Variants in MYO10 observed in about 807,000 individuals in gnomAD.
MYO10 encodes unconventional myosin-X.
In MYO10, 133 loss-of-function variants were observed where a neutral mutation model predicts 257.3. The ratio of observed to expected loss-of-function variants is 0.52; its 90% CI spans 0.45 to 0.60. MYO10 has a LOEUF of 0.60. Among genes scored for constraint, MYO10 ranks in the 20% least tolerant of loss-of-function variants. MYO10 has a pLI of 0.00. For missense variants in MYO10, 2,399 were observed against 2,635.7 expected (o/e 0.91, Z 1.97); for synonymous variants, 1,104 against 1,028.6 (o/e 1.07, Z -1.40).
chr5:16,827,960 G>T (rs1307029889), intron 2 of MYO10, among the ~76,000 whole-genome samples: 2 of 152,114 alleles, frequency 1.3e-5, no homozygotes, highest in Middle Eastern at 6.3e-3. Context: ...CAATTTCTTG[G>T]TATCATGGGG....
chr5:16,708,904 T>C (rs1328684330), intron 21 of MYO10, among the ~76,000 whole-genome samples: 1 of 152,196 alleles, frequency 6.6e-6, no homozygotes, highest in East Asian at 1.9e-4. Flanking sequence ...GCAGATTGTA[T>C]TGCACTGCCA....
intron 2 of MYO10, among the ~76,000 whole-genome samples, chr5:16,847,653 T>A (rs944171333): frequency 6.6e-6 from 1 of 151,978 alleles, no homozygotes; most frequent in African/African-American, 2.4e-5. Flanking sequence ...TCGCTTGAGC[T>A]TAGGAGGTTG....
At chr5:16,787,263 A>AC (rs1741613750) in intron 4 of MYO10, among the ~76,000 whole-genome samples, 2 of 152,272 alleles carry the variant, frequency 1.3e-5, no homozygotes, top group Non-Finnish European at 2.9e-5. Flanking sequence ...ATAGGACTCT[A>AC]CCAGGAGGTA....
chr5:16,679,524 G>GTTTTTTTTTTTTTTTTTTGT (rs1736887700), intron 33 of MYO10, among the ~76,000 whole-genome samples: 12 of 122,652 alleles, frequency 9.8e-5, no homozygotes, highest in African/African-American at 3.9e-4. Flanking sequence ...TTTTTTGGGT[G>GTTTTTTTTTTTTTTTTTTGT]TTTTTTTTTT....
At chr5:16,683,552 C>T (rs1326607533) in intron 30 of MYO10, among the ~76,000 whole-genome samples, 2 of 152,202 alleles carry the variant, frequency 1.3e-5, no homozygotes, top group Non-Finnish European at 2.9e-5. Context: ...GCTGGAATAT[C>T]ATTTTCCTAA....
chr5:16,702,474 A>G, intron 24 of MYO10, 69 bp downstream of exon 24: 1 of 1,356,898 alleles, frequency 7.4e-7, no homozygotes, highest in Admixed American at 2.3e-5. Context: ...TTTGAATCCT[A>G]GAGTCCAAGC....
chr5:16,838,310 A>C (rs1040308885), intron 2 of MYO10, among the ~76,000 whole-genome samples: 2 of 152,270 alleles, frequency 1.3e-5, no homozygotes, highest in Non-Finnish European at 2.9e-5. Context: ...GTGCCACTAC[A>C]GTGAACAAAT....
In MYO10 at chr5:16,775,220, TTAGCA is replaced by T. The variant is rs1741179940; in HGVS notation, c.930+4320_930+4324del. On this transcript the variant is annotated intron_variant, in intron 9 of 40. Transcript: ENST00000513610. Reference sequence around the variant, plus strand: ...GCTGTATAAGAAATGCCTATGAAATTTAGCATAGGTTCATTGCCTCTGCCCCAGGA... The same window carrying T: ...GCTGTATAAGAAATGCCTATGAAATTTAGGTTCATTGCCTCTGCCCCAGGA... Among the ~76,000 whole-genome samples the T allele has an allele frequency of 2.0e-5, 3 of 152,322 alleles. No homozygotes were observed. In the South Asian group the frequency reaches 6.2e-4, roughly 32 times the overall value.
chr5:16,933,907 T>C (rs1746363225), intron 1 of MYO10, among the ~76,000 whole-genome samples: 10 of 152,164 alleles, frequency 6.6e-5, no homozygotes, highest in Admixed American at 6.5e-4. Flanking sequence ...AGCGAAAAGT[T>C]CCCAGAAATA....
intron 2 of MYO10, among the ~76,000 whole-genome samples, chr5:16,866,827 C>T (rs1309542614): frequency 6.6e-6 from 1 of 152,148 alleles, no homozygotes; most frequent in East Asian, 1.9e-4. Flanking sequence ...TAAATGTGGC[C>T]CCCAACTGCC....
intron 1 of MYO10, among the ~76,000 whole-genome samples, chr5:16,883,955 GC>G (rs1428404296): frequency 6.6e-6 from 1 of 152,180 alleles, no homozygotes; most frequent in Admixed American, 6.5e-5. Flanking sequence ...CTTAGTCTCA[GC>G]CCCGGAACAG....
At position 16,702,572 on chromosome 5, in the gene MYO10, G is replaced by GCT. The variant is rs757225427; in HGVS notation, c.2525_2526dup (p.Arg843SerfsTer33). On this transcript the variant is annotated frameshift_variant, in exon 24 of 41. Transcript: ENST00000513610. LOFTEE classifies it high-confidence loss of function. ...TGGGCGCGGAGCTCGGCTTCTCTTC[G>GCT]CTCTCTCTCTCTTTCTCTAAAAATA... 10 of 1,586,702 alleles carry GCT rather than the reference G, an allele frequency of 6.3e-6. No homozygotes were observed. Among genetic ancestry groups the GCT allele is most frequent in the Admixed American group, 1.8e-5 (1 of 55,912 alleles).
At chr5:16,821,384 A>G (rs1263380134) in intron 2 of MYO10, among the ~76,000 whole-genome samples, 1 of 148,898 alleles carries the variant, frequency 6.7e-6, no homozygotes, top group Admixed American at 6.7e-5. Context: ...AAATAGGGCT[A>G]TAACCTGTAA....
At chr5:16,738,153 G>A (rs1446806009) in intron 19 of MYO10, 2 of 985,366 alleles carry the variant, frequency 2.0e-6, no homozygotes, top group African/African-American at 1.7e-5. Context: ...GGAGCTGAAG[G>A]AGAGAAGCCA....
At chr5:16,688,057 AG>A (rs1396486739) in intron 28 of MYO10, among the ~76,000 whole-genome samples, 1 of 152,252 alleles carries the variant, frequency 6.6e-6, no homozygotes, top group African/African-American at 2.4e-5. Context: ...TAAATTTAGC[AG>A]GTTCATCGTG....
intron 2 of MYO10, among the ~76,000 whole-genome samples, chr5:16,863,423 C>A (rs1019172816): frequency 6.6e-6 from 1 of 152,276 alleles, no homozygotes; most frequent in East Asian, 1.9e-4. Flanking sequence ...CTCCTGGTCT[C>A]ACCCATGGAT....
chr5:16,778,385 T>G (rs1323172337), intron 9 of MYO10, among the ~76,000 whole-genome samples: 1 of 152,192 alleles, frequency 6.6e-6, no homozygotes, highest in African/African-American at 2.4e-5. Context: ...GAGGGCTGGA[T>G]GATACCTTAA....
rs372258804 is a variant in MYO10 at position 16,802,655 on chromosome 5, TA to T, written c.280-7823del. On this transcript the variant is annotated intron_variant, in intron 3 of 40. Coordinates refer to ENST00000513610, the MANE Select transcript of MYO10 (RefSeq NM_012334.3). Reference sequence around the variant, plus strand: ...CTGGGGGACAGAGCGAGACTGTCTCTAAAAAAAAAAAAAAAAAAGAAAGAAA... The same window carrying T: ...CTGGGGGACAGAGCGAGACTGTCTCTAAAAAAAAAAAAAAAAAGAAAGAAA... 7.7e-3 allele frequency among the ~76,000 whole-genome samples: 781 copies of T among 100,998 alleles called. 5 individuals carry two copies. The highest frequency in any genetic ancestry group is 0.026 in the African/African-American group (622 of 23,650). 66.3% of individuals were successfully genotyped at this position (100,998 alleles called of 152,430 possible).
At chr5:16,683,191 T>A (rs1337088879) in intron 30 of MYO10, among the ~76,000 whole-genome samples, 2 of 152,208 alleles carry the variant, frequency 1.3e-5, no homozygotes, top group Non-Finnish European at 2.9e-5. Context: ...AACACACTCG[T>A]ATTCACTTTC....
Sources: gnomAD v4.1 joint callset for allele counts (sites outside exome capture counted in the v4.1 genomes callset) on GRCh38, gnomAD v4.1.1 for gene constraint, MANE v1.5 for transcripts, NCBI Gene and HGNC (gene_info 2026-07-23, HGNC 2026-07-21) for gene names.